KSR1: variants seen among roughly 807,000 people sequenced by gnomAD.
The protein encoded by KSR1 is kinase suppressor of ras 1.
Under a neutral mutation model 92.9 loss-of-function variants are expected in KSR1, and 35 were observed. The observed-to-expected ratio is 0.38, with a 90% CI of 0.29 to 0.50. KSR1 has a LOEUF of 0.50. Ranked by LOEUF, KSR1 falls within the 20% of genes least tolerant of loss-of-function variation. The pLI, the probability that KSR1 is intolerant of heterozygous loss-of-function variation, is 0.94. For missense variants in KSR1, 972 were observed against 1,158.5 expected, an observed-to-expected ratio of 0.84 and a Z score of 2.34; for synonymous variants, 467 against 472.6, an observed-to-expected ratio of 0.99 and a Z score of 0.15.
At chr17:27,621,789 C>T in intron 20 of KSR1, 1 of 743,212 alleles carries the variant, frequency 1.3e-6, no homozygotes. Flanking sequence ...GGGATGGAGT[C>T]CAGGATGGCC....
chr17:27,536,925 G>C (rs1446519676), intron 1 of KSR1, among the ~76,000 whole-genome samples: 2 of 152,256 alleles, frequency 1.3e-5, no homozygotes, highest in African/African-American at 4.8e-5. Context: ...GATTGGAGGA[G>C]TGTCATATAC....
intron 1 of KSR1, 96 bp from the exon 2 acceptor site, chr17:27,550,472 C>T (rs1021636019): frequency 2.8e-6 from 2 of 715,806 alleles, no homozygotes; most frequent in Non-Finnish European, 5.2e-6. Context: ...CATCACATTG[C>T]TTGTGTCTGC....
intron 2 of KSR1, among the ~76,000 whole-genome samples, chr17:27,571,858 C>T (rs2072322306): frequency 6.6e-6 from 1 of 152,248 alleles, no homozygotes; most frequent in African/African-American, 2.4e-5. Flanking sequence ...TGACTGGCCA[C>T]AGGGAGTGTG....
intron 1 of KSR1, chr17:27,526,535 T>C: frequency 1.2e-6 from 2 of 1,604,072 alleles, no homozygotes; most frequent in South Asian, 1.1e-5. Flanking sequence ...ACTCTCGCTC[T>C]GTCTGCTGGA....
intron 1 of KSR1, among the ~76,000 whole-genome samples, chr17:27,477,666 G>A (rs2150935441): frequency 6.6e-6 from 1 of 151,334 alleles, no homozygotes; most frequent in African/African-American, 2.4e-5. Context: ...TGCCATCATA[G>A]CCCCTCCACT....
chr17:27,513,572 C>T (rs1597918976), intron 1 of KSR1, among the ~76,000 whole-genome samples: 1 of 152,176 alleles, frequency 6.6e-6, no homozygotes, highest in Non-Finnish European at 1.5e-5. Flanking sequence ...CCTTGTAAGC[C>T]GATGGGGAGA....
intron 2 of KSR1, among the ~76,000 whole-genome samples, chr17:27,574,510 T>C (rs1323464802): frequency 6.6e-6 from 1 of 152,146 alleles, no homozygotes; most frequent in East Asian, 1.9e-4. Flanking sequence ...GATTGAAGAA[T>C]ATACTGAAAA....
At chr17:27,601,507 G>A in intron 11 of KSR1, 106 bp downstream of exon 11, 1 of 925,764 alleles carries the variant, frequency 1.1e-6, no homozygotes, top group East Asian at 2.5e-5. Flanking sequence ...AGATACTTGA[G>A]TCTCCCTCCA....
Position 27,577,525 on chromosome 17 carries a change from C to A in KSR1, c.406C>A (p.Leu136Met). The A allele has an allele frequency of 1.9e-6, 3 of 1,601,186 alleles. No homozygotes were observed. Among genetic ancestry groups the A allele is most frequent in the Non-Finnish European group, 1.7e-6 (2 of 1,176,652 alleles). Reference protein sequence around the residue: ...IPRDLTLDALLEMNEAKVKET... With the variant: ...IPRDLTLDALMEMNEAKVKET... ...CCGAGACCTCACGCTGGATGCCCTG[C>A]TGGAGATGAATGAGGCCAAGGTGAA... Residue 136 changes from leucine to methionine, a missense_variant, in exon 3 of 21, where the codon CTG (leucine) becomes ATG (methionine). This residue lies in a region of KSR1 where 611 missense variants were observed against 668.0 expected (regional missense o/e 0.91). Coordinates refer to ENST00000644974, the MANE Select transcript of KSR1 (RefSeq NM_001394583.1). The surrounding 1 kb of genome is among the most constrained non-coding windows in gnomAD (Gnocchi z 4.5).
intron 1 of KSR1, among the ~76,000 whole-genome samples, chr17:27,486,955 C>T (rs2068683034): frequency 1.3e-5 from 2 of 152,312 alleles, no homozygotes; most frequent in East Asian, 3.9e-4. Context: ...GGGTACTTTC[C>T]TGATCTATGA....
intron 9 of KSR1, among the ~76,000 whole-genome samples, chr17:27,597,034 G>GA (rs2073365850): frequency 6.6e-6 from 1 of 152,240 alleles, no homozygotes; most frequent in Non-Finnish European, 1.5e-5. Context: ...CTTCTGGGAA[G>GA]AGTGTGCTTG....
At chr17:27,518,013 G>A (rs992334327) in intron 1 of KSR1, among the ~76,000 whole-genome samples, 1 of 152,222 alleles carries the variant, frequency 6.6e-6, no homozygotes, top group Non-Finnish European at 1.5e-5. Context: ...CATGAGGCCA[G>A]ATGCTCTTGA....
intron 5 of KSR1, among the ~76,000 whole-genome samples, chr17:27,586,844 T>C (rs960213755): frequency 2.0e-5 from 3 of 152,204 alleles, no homozygotes; most frequent in African/African-American, 4.8e-5. Flanking sequence ...CCTAGGCTGG[T>C]AGCTGGCACC....
intron 1 of KSR1, among the ~76,000 whole-genome samples, chr17:27,520,046 G>A (rs891799324): frequency 6.6e-6 from 1 of 152,212 alleles, no homozygotes; most frequent in African/African-American, 2.4e-5. Context: ...GAATAAACCT[G>A]TAGCTGATGT....
chr17:27,526,752 C>T (rs2070318183), intron 1 of KSR1: 2 of 1,216,892 alleles, frequency 1.6e-6, no homozygotes, highest in African/African-American at 1.5e-5. Flanking sequence ...CGTATGAACT[C>T]TTTCTCATCA....
chr17:27,512,987 T>G (rs2069657835), intron 1 of KSR1, among the ~76,000 whole-genome samples: 1 of 152,174 alleles, frequency 6.6e-6, no homozygotes, highest in South Asian at 2.1e-4. Context: ...CAACATTAGC[T>G]TGACTTTAGT....
At chr17:27,510,514 A>G (rs915320030) in intron 1 of KSR1, among the ~76,000 whole-genome samples, 4 of 152,174 alleles carry the variant, frequency 2.6e-5, no homozygotes, top group Admixed American at 6.5e-5. Context: ...TGAAATTGGA[A>G]AGAGTGTGGG....
chr17:27,477,149 C>G (rs948098544), intron 1 of KSR1, among the ~76,000 whole-genome samples: 2 of 152,110 alleles, frequency 1.3e-5, no homozygotes, highest in Admixed American at 6.5e-5. Flanking sequence ...AACCAGAGGT[C>G]ACTCTTGTGG....
At chr17:27,622,130 C>T (rs1445452148) in intron 20 of KSR1, 12 of 608,898 alleles carry the variant, frequency 2.0e-5, no homozygotes, top group Non-Finnish European at 3.5e-5. Flanking sequence ...TCCACGTGGC[C>T]TGCATATGCC....
Sources: gnomAD v4.1 joint callset for allele counts (sites outside exome capture counted in the v4.1 genomes callset) on GRCh38, gnomAD v4.1.1 for gene constraint, gnomAD v4.1.1 regional missense constraint, Gnocchi (gnomAD v3.1) non-coding constraint, MANE v1.5 for transcripts, NCBI Gene and HGNC (gene_info 2026-07-23, HGNC 2026-07-21) for gene names.